FRMD3: variants seen among roughly 807,000 people sequenced by gnomAD.
FRMD3 encodes FERM domain containing 3.
In FRMD3, 33 loss-of-function variants were observed where a neutral mutation model predicts 70.2. The ratio of observed to expected loss-of-function variants is 0.47; its 90% confidence interval spans 0.36 to 0.63. The LOEUF (loss-of-function observed/expected upper bound fraction) is 0.63. FRMD3 is among the 20% of genes least tolerant of loss of function. The pLI is 0.00. For synonymous variants in FRMD3, 279 were observed against 255.9 expected (o/e 1.09, Z -0.86); for missense variants, 632 against 711.4 (o/e 0.89, Z 1.27).
chr9:83,308,389 T>C (rs1047755480), intron 10 of FRMD3, among the ~76,000 whole-genome samples: 16 of 152,170 alleles, frequency 1.1e-4, no homozygotes, highest in African/African-American at 3.9e-4. Flanking sequence ...TCAAAATCAT[T>C]ATCCAAGCCA....
intron 9 of FRMD3, 99 bp downstream of exon 9, chr9:83,310,386 C>T (rs1835305739): frequency 2.1e-6 from 2 of 944,384 alleles, no homozygotes; most frequent in Non-Finnish European, 3.3e-6. Flanking sequence ...ACTTCAAAGT[C>T]ATGGTCTTTG....
At chr9:83,434,275 A>C (rs1313029846) in intron 1 of FRMD3, among the ~76,000 whole-genome samples, 2 of 152,224 alleles carry the variant, frequency 1.3e-5, no homozygotes, top group African/African-American at 4.8e-5. Context: ...CGTGGTCTCC[A>C]CAGGCAGAAG....
chr9:83,379,466 C>A (rs1825289543), intron 2 of FRMD3, among the ~76,000 whole-genome samples: 1 of 152,134 alleles, frequency 6.6e-6, no homozygotes, highest in Admixed American at 6.6e-5. Context: ...AACAAAATAT[C>A]TGAATTTGTG....
At chr9:83,567,195 G>T in the FRMD3 span, among the ~76,000 whole-genome samples, 5 of 152,212 alleles carry the variant, frequency 3.3e-5, no homozygotes, top group African/African-American at 1.2e-4. Flanking sequence ...AAGGCTTGGG[G>T]CTTCCACCCT....
chr9:83,350,988 G>T, intron 3 of FRMD3: 1 of 966,100 alleles, frequency 1.0e-6, no homozygotes, highest in Non-Finnish European at 1.2e-6. Flanking sequence ...CCATGGATTG[G>T]ACATACCACT....
At chr9:83,474,355 G>T (rs999749221) in intron 1 of FRMD3, among the ~76,000 whole-genome samples, 2 of 152,110 alleles carry the variant, frequency 1.3e-5, no homozygotes, top group Admixed American at 6.6e-5. Flanking sequence ...GCTAAATAAA[G>T]CAACCATTCT....
intron 1 of FRMD3, among the ~76,000 whole-genome samples, chr9:83,415,034 T>C (rs77369523): frequency 0.038 from 5,834 of 152,210 alleles, 200 homozygotes; most frequent in East Asian, 0.16. Flanking sequence ...TGCAATGGGA[T>C]GGGGGCAGTA....
chr9:83,354,638 C>A (rs943008252), intron 3 of FRMD3, among the ~76,000 whole-genome samples: 1 of 152,054 alleles, frequency 6.6e-6, no homozygotes, highest in Non-Finnish European at 1.5e-5. Flanking sequence ...TGCATGTAAA[C>A]CCTGAATCTA....
intron 12 of FRMD3, among the ~76,000 whole-genome samples, chr9:83,296,734 T>C (rs1430903977): frequency 6.6e-6 from 1 of 152,160 alleles, no homozygotes; most frequent in African/African-American, 2.4e-5. Flanking sequence ...AAACTATGAT[T>C]TGGTGGATGC....
the FRMD3 span, among the ~76,000 whole-genome samples, chr9:83,545,642 C>A: frequency 6.6e-6 from 1 of 152,022 alleles, no homozygotes; most frequent in African/African-American, 2.4e-5. Context: ...CAGGAGTGAG[C>A]CACCACACCC....
chr9:83,366,205 T>C (rs1272992543), intron 3 of FRMD3, among the ~76,000 whole-genome samples: 3 of 152,046 alleles, frequency 2.0e-5, no homozygotes, highest in East Asian at 3.9e-4. Flanking sequence ...GTATGGAGTA[T>C]GGGTTTTCAA....
intron 2 of FRMD3, among the ~76,000 whole-genome samples, chr9:83,384,265 C>T (rs1309839522): frequency 6.6e-6 from 1 of 152,178 alleles, no homozygotes; most frequent in African/African-American, 2.4e-5. Flanking sequence ...TTCTTCAGGG[C>T]AGGGCTGCCC....
At position 83,372,989 on chromosome 9, in the gene FRMD3, G is replaced by T. The variant is rs73648539; in HGVS notation, c.253-34C>A. On this transcript the variant is annotated intron_variant, in intron 2 of 13. Coordinates refer to ENST00000304195, the MANE Select transcript of FRMD3 (RefSeq NM_174938.6). ...GAAAAAAAAAAAAGCAGAGATCAGG[G>T]GTCAAATTGCTGGACCATACAACGA... The T allele has an allele frequency of 8.4e-4, 1,337 of 1,583,506 alleles. 13 individuals carry two copies. The African/African-American group carries it at 0.015, about 18-fold the overall frequency.
At chr9:83,547,898 C>A in the FRMD3 span, among the ~76,000 whole-genome samples, 3 of 152,168 alleles carry the variant, frequency 2.0e-5, no homozygotes, top group Admixed American at 2.0e-4. Context: ...TCTTCTCAGA[C>A]TACAGTGGAA....
chr9:83,358,485 T>C (rs1315202734), intron 3 of FRMD3, among the ~76,000 whole-genome samples: 1 of 152,148 alleles, frequency 6.6e-6, no homozygotes. Flanking sequence ...GGTGGTATTT[T>C]GACGGGAATT....
At chr9:83,343,051 T>C in intron 5 of FRMD3, 139 bp downstream of exon 5, 3 of 675,028 alleles carry the variant, frequency 4.4e-6, no homozygotes, top group Non-Finnish European at 8.1e-6. Context: ...GTTGGGGTTC[T>C]GTTGCTACGT....
chr9:83,452,996 A>T (rs1372510505), intron 1 of FRMD3, among the ~76,000 whole-genome samples: 1 of 151,750 alleles, frequency 6.6e-6, no homozygotes, highest in African/African-American at 2.4e-5. Flanking sequence ...CTGGGATTAC[A>T]GTCATGCACC....
At chr9:83,540,300 G>A (rs1829984704), upstream of FRMD3, among the ~76,000 whole-genome samples, 1 of 152,122 alleles carries the variant, frequency 6.6e-6, no homozygotes, top group Admixed American at 6.5e-5. Flanking sequence ...ACACACACTT[G>A]TCCATCCTAT....
chr9:83,257,529 A>G (rs774484690), intron 13 of FRMD3, among the ~76,000 whole-genome samples: 7 of 152,304 alleles, frequency 4.6e-5, no homozygotes, highest in Non-Finnish European at 8.8e-5. Flanking sequence ...GAGGGGGAAA[A>G]AAAATCTTGA....
Sources: allele counts gnomAD v4.1 joint callset (sites outside exome capture counted in the v4.1 genomes callset), GRCh38; gene constraint gnomAD v4.1.1; transcripts MANE v1.5; gene names NCBI Gene and HGNC (gene_info 2026-07-23, HGNC 2026-07-21).